SCARB2: variants seen among roughly 807,000 people sequenced by gnomAD.
SCARB2 encodes the protein scavenger receptor class B member 2.
In SCARB2, 29 loss-of-function variants were observed where a neutral mutation model predicts 58.6. That is an observed-to-expected ratio of 0.49 (90% CI 0.37 to 0.67). The LOEUF is 0.67. SCARB2 is among the 30% of genes least tolerant of loss of function. The pLI is 0.00. For synonymous variants in SCARB2, 195 were observed against 210.1 expected, an observed-to-expected ratio of 0.93 and a Z score of 0.62; for missense variants, 488 against 578.5, an observed-to-expected ratio of 0.84 and a Z score of 1.60.
intron 1 of SCARB2, among the ~76,000 whole-genome samples, chr4:76,226,590 C>T (rs115320792): frequency 8.5e-5 from 13 of 152,206 alleles, no homozygotes; most frequent in African/African-American, 3.1e-4. Context: ...GTTCCATAGG[C>T]CACAAGGGGT....
intron 11 of SCARB2, chr4:76,162,894 C>T (rs1166866932): frequency 4.0e-6 from 2 of 500,588 alleles, no homozygotes; most frequent in Non-Finnish European, 7.2e-6. Flanking sequence ...GGCAGTCTGA[C>T]ACCAAAGATC....
chr4:76,220,007 G>A (rs1309375672), intron 1 of SCARB2, among the ~76,000 whole-genome samples: 1 of 152,184 alleles, frequency 6.6e-6, no homozygotes, highest in African/African-American at 2.4e-5. Context: ...GAATATTAAT[G>A]AGTAGTGTTT....
rs538835629 is a variant in SCARB2 at position 76,174,377 on chromosome 4, G to A, written c.825-64C>T. 276 of 1,474,468 alleles carry A rather than the reference G, an allele frequency of 1.9e-4. 4 individuals are homozygous for A. The South Asian group carries it at 2.8e-3, about 15-fold the overall frequency. 91.3% of individuals were successfully genotyped at this position (1,474,468 alleles called of 1,614,324 possible). On this transcript the variant is annotated intron_variant, in intron 6 of 11. Coordinates refer to ENST00000264896, the MANE Select transcript of SCARB2 (RefSeq NM_005506.4). ...GGTCAGTGTAATCTGCCCGAAATCC[G>A]CAAGTTAGCAACAGTTCTCAGGTAC... is the stretch of plus-strand genomic sequence containing the variant.
chr4:76,169,551 T>C (rs1440103194), intron 8 of SCARB2, among the ~76,000 whole-genome samples: 1 of 152,194 alleles, frequency 6.6e-6, no homozygotes, highest in Non-Finnish European at 1.5e-5. Flanking sequence ...AAATATATGT[T>C]GAGGTCCAAG....
rs190496181 is a variant in SCARB2 at position 76,224,924 on chromosome 4, C to T, written c.-358+9379G>A. Among the ~76,000 whole-genome samples, 26 of 152,044 alleles carry T rather than the reference C, an allele frequency of 1.7e-4. No homozygotes were observed. The East Asian group carries it at 3.5e-3, about 20-fold the overall frequency. Reference sequence around the variant, plus strand: ...CGCCTCCTACCCTTCCCCCCAAGTCCCCAGAGTCCATTATATCATTCTTAT... The same window carrying T: ...CGCCTCCTACCCTTCCCCCCAAGTCTCCAGAGTCCATTATATCATTCTTAT... On this transcript the variant is annotated intron_variant, in intron 1 of 11. Coordinates refer to the SCARB2 transcript ENST00000638295.
At chr4:76,218,465 G>T (rs76773060), upstream of SCARB2, among the ~76,000 whole-genome samples, 2,578 of 152,280 alleles carry the variant, frequency 0.017, 74 homozygotes, top group African/African-American at 0.059. Context: ...AGGCCACAGG[G>T]ACTCTCTGTG....
intron 6 of SCARB2, 69 bp downstream of exon 6, chr4:76,175,722 T>G (rs1274111947): frequency 1.9e-6 from 3 of 1,572,716 alleles, no homozygotes; most frequent in Non-Finnish European, 1.7e-6. Flanking sequence ...CATATATTCC[T>G]CATGCTTTTG....
intron 1 of SCARB2, among the ~76,000 whole-genome samples, chr4:76,205,349 A>AAAAAT (rs139457833): frequency 0.18 from 27,819 of 151,564 alleles, 2,853 homozygotes; most frequent in Middle Eastern, 0.35. Context: ...AAACAAAAAC[A>AAAAAT]AAAATAAAAT....
intron 1 of SCARB2, among the ~76,000 whole-genome samples, chr4:76,209,061 G>A (rs777462516): frequency 2.6e-5 from 4 of 152,190 alleles, no homozygotes; most frequent in African/African-American, 7.2e-5. Context: ...TTTGACTTTA[G>A]ATAAGTCACT....
In SCARB2 at chr4:76,175,917, T is replaced by C. The variant is rs1217073681; in HGVS notation, c.705-7A>G. 6 of 1,613,354 alleles carry C rather than the reference T, an allele frequency of 3.7e-6. No homozygotes were observed. Among genetic ancestry groups the C allele is most frequent in the Non-Finnish European group, 5.1e-6 (6 of 1,179,956 alleles). ...TATCCACCAGTCAAGTGACCTATAA[T>C]TGATAAGCACAAGAAAGAGTAAAGA... is the stretch of plus-strand genomic sequence containing the variant. On this transcript the variant is annotated splice_region_variant and splice_polypyrimidine_tract_variant and intron_variant, in intron 5 of 11. Coordinates refer to ENST00000264896, the MANE Select transcript of SCARB2 (RefSeq NM_005506.4).
chr4:76,225,296 T>C lies in SCARB2; in HGVS notation c.-358+9007A>G, dbSNP rs186241674. On this transcript the variant is annotated intron_variant, in intron 1 of 11. Coordinates refer to the SCARB2 transcript ENST00000638295. ...TATGATTTCTTTTCCTCTGGGTAGATAGAGTCTTCAGCATTTTCTAGGTAT... is the reference window on the plus strand; with the variant it reads ...TATGATTTCTTTTCCTCTGGGTAGACAGAGTCTTCAGCATTTTCTAGGTAT... Among the ~76,000 whole-genome samples the C allele has an allele frequency of 2.0e-5, 3 of 152,352 alleles. No individual in the cohort carries two copies. The East Asian group carries it at 5.8e-4, about 29-fold the overall frequency.
chr4:76,179,713 G>A lies in SCARB2; in HGVS notation c.424-8C>T. ...GGACCACTCTATGACAGTCTGCGGA[G>A]CAGAGGTATATTAAGACAGCAGCAT... On this transcript the variant is annotated splice_region_variant and splice_polypyrimidine_tract_variant and intron_variant, in intron 3 of 11. Transcript: ENST00000264896. The A allele has an allele frequency of 6.2e-7, 1 of 1,610,874 alleles. No individual in the cohort carries two copies.
At chr4:76,173,784 G>C (rs1334292885) in intron 7 of SCARB2, 2 of 313,682 alleles carry the variant, frequency 6.4e-6, no homozygotes, top group Non-Finnish European at 1.2e-5. Context: ...CTAAACCACT[G>C]TCCAGAAAAA....
chr4:76,185,227 C>T (rs903402372), intron 2 of SCARB2, among the ~76,000 whole-genome samples: 20 of 152,090 alleles, frequency 1.3e-4, no homozygotes, highest in African/African-American at 3.9e-4. Flanking sequence ...ATTTCAAAGC[C>T]AAACTTTTGT....
rs546845159 is a variant in SCARB2, at chr4:76,164,892, C to T, written c.1239+1358G>A. ...TTCCAATAACTGGATAGAGTTTCCT[C>T]CTCGGTAAAAAGGTGGTGTGGCAAC... On this transcript the variant is annotated intron_variant, in intron 10 of 11. Transcript: ENST00000264896. 2.0e-5 allele frequency: 3 copies of T among 152,026 alleles called. 1 individual carries two copies. The highest frequency in any genetic ancestry group is 6.8e-3 in the Middle Eastern group (2 of 294). 9.4% of individuals were successfully genotyped at this position (152,026 alleles called of 1,614,324 possible).
At chr4:76,219,276 C>CTAGA (rs904078822) in intron 1 of SCARB2, among the ~76,000 whole-genome samples, 8 of 152,326 alleles carry the variant, frequency 5.3e-5, no homozygotes, top group African/African-American at 1.9e-4. Context: ...TGATGTTGAA[C>CTAGA]TAGAATGGAG....
intron 2 of SCARB2, among the ~76,000 whole-genome samples, chr4:76,184,163 C>T (rs2034003): frequency 0.11 from 16,512 of 152,144 alleles, 1,113 homozygotes; most frequent in East Asian, 0.21. Flanking sequence ...CACTTCACAG[C>T]TGGGGACACA....
Position 76,174,324 on chromosome 4 carries a change from G to T in SCARB2, c.825-11C>A. On this transcript the variant is annotated splice_polypyrimidine_tract_variant and intron_variant, in intron 6 of 11. Coordinates refer to ENST00000264896, the MANE Select transcript of SCARB2 (RefSeq NM_005506.4). ...GTAATATACACTGACCTGTTAGGAT[G>T]TAAGAATAAAAAGTGAATGTGGACT... The T allele has an allele frequency of 6.2e-7, 1 of 1,613,652 alleles. No individual in the cohort carries two copies. Among genetic ancestry groups the T allele is most frequent in the Non-Finnish European group, 8.5e-7 (1 of 1,179,606 alleles).
intron 2 of SCARB2, among the ~76,000 whole-genome samples, chr4:76,185,979 G>A (rs1168752550): frequency 1.3e-5 from 2 of 152,192 alleles, no homozygotes; most frequent in Non-Finnish European, 2.9e-5. Flanking sequence ...ACACTACCTG[G>A]CACACCTGCT....
Sources: gnomAD v4.1 joint callset for allele counts (sites outside exome capture counted in the v4.1 genomes callset) on GRCh38, gnomAD v4.1.1 for gene constraint, MANE v1.5 for transcripts, NCBI Gene and HGNC (gene_info 2026-07-23, HGNC 2026-07-21) for gene names.